TRIM23: variants seen among roughly 807,000 people sequenced by gnomAD.
The protein encoded by TRIM23 is tripartite motif containing 23, also known as E3 ubiquitin-protein ligase TRIM23.
Under a neutral mutation model 71.0 loss-of-function variants are expected in TRIM23, and 27 were observed. That is an observed-to-expected ratio of 0.38 (90% confidence interval 0.28 to 0.52). TRIM23 has a LOEUF of 0.52. Among genes scored for constraint, TRIM23 ranks in the 20% least tolerant of loss-of-function variants. The pLI is 0.84. For synonymous variants in TRIM23, 234 were observed against 238.0 expected (o/e 0.98, Z 0.16); for missense variants, 482 against 692.3 (o/e 0.70, Z 3.41).
At chr5:65,613,724 T>TA in intron 3 of TRIM23, 6 of 1,190,014 alleles carry the variant, frequency 5.0e-6, no homozygotes, top group Non-Finnish European at 6.3e-6. Flanking sequence ...AATGGCCTCT[T>TA]ACATCGAGTT....
intron 1 of TRIM23, among the ~76,000 whole-genome samples, chr5:65,620,335 G>A (rs1214319105): frequency 1.3e-5 from 2 of 152,054 alleles, no homozygotes; most frequent in African/African-American, 4.8e-5. Context: ...TACTAGACAC[G>A]TGTGACAAAA....
chr5:65,610,820 TAAAAA>T, intron 5 of TRIM23, 36 bp downstream of exon 5: 1 of 1,505,474 alleles, frequency 6.6e-7, no homozygotes, highest in Non-Finnish European at 8.9e-7. Flanking sequence ...ATATGAAAAA[TAAAAA>T]AGAATGAGAA....
chr5:65,602,119 T>TC (rs1279285407), intron 7 of TRIM23, among the ~76,000 whole-genome samples: 1 of 152,230 alleles, frequency 6.6e-6, no homozygotes, highest in East Asian at 1.9e-4. Flanking sequence ...GATGGGTTTT[T>TC]CTTCTCCATT....
chr5:65,617,910 T>C (rs984127738), intron 2 of TRIM23, among the ~76,000 whole-genome samples, 183 bp downstream of exon 2: 5 of 152,322 alleles, frequency 3.3e-5, no homozygotes, highest in African/African-American at 1.2e-4. Flanking sequence ...AAAATAAAAT[T>C]AGTAACTAAG....
chr5:65,597,050 C>A lies in TRIM23; in HGVS notation c.1309+1G>T. Reference sequence around the variant, plus strand: ...AGGTAAAAACCAATATTCATACTTACCAATTGTTGGAATGGGCTGCATGAA... The same window carrying A: ...AGGTAAAAACCAATATTCATACTTAACAATTGTTGGAATGGGCTGCATGAA... On this transcript the variant is annotated splice_donor_variant, in intron 8 of 10. Coordinates refer to ENST00000231524, the MANE Select transcript of TRIM23 (RefSeq NM_001656.4). LOFTEE classifies it high-confidence loss of function. The A allele has an allele frequency of 6.2e-7, 1 of 1,613,766 alleles. No individual in the cohort carries two copies. Among genetic ancestry groups the A allele is most frequent in the Non-Finnish European group, 8.5e-7 (1 of 1,179,856 alleles).
chr5:65,602,742 G>T (rs1754394919), intron 7 of TRIM23, among the ~76,000 whole-genome samples: 1 of 152,132 alleles, frequency 6.6e-6, no homozygotes. Context: ...CTTACATGGT[G>T]GTGGCAAGAG....
intron 9 of TRIM23, 42 bp downstream of exon 9, chr5:65,596,379 T>C (rs763572397): frequency 1.5e-6 from 2 of 1,370,362 alleles, no homozygotes; most frequent in South Asian, 2.4e-5. Context: ...AAAACTGTCA[T>C]CCTAAAAATG....
At chr5:65,623,549 T>G (rs887232594) in intron 1 of TRIM23, among the ~76,000 whole-genome samples, 1 of 152,166 alleles carries the variant, frequency 6.6e-6, no homozygotes, top group Non-Finnish European at 1.5e-5. Context: ...ATCTCAAACT[T>G]CAAGCATAAG....
chr5:65,620,734 T>C (rs1754910994), intron 1 of TRIM23, among the ~76,000 whole-genome samples: 2 of 151,948 alleles, frequency 1.3e-5, no homozygotes, highest in African/African-American at 4.8e-5. Flanking sequence ...TATATACACA[T>C]ACTTCAATTT....
At chr5:65,618,024 T>C (rs1754818286) in intron 2 of TRIM23, 69 bp downstream of exon 2, 5 of 1,417,844 alleles carry the variant, frequency 3.5e-6, no homozygotes, top group East Asian at 2.6e-5. Context: ...TGGAAGGACA[T>C]TGTTTCCTAT....
chr5:65,620,962 C>T (rs921935530), intron 1 of TRIM23, among the ~76,000 whole-genome samples: 3 of 151,350 alleles, frequency 2.0e-5, no homozygotes, highest in Non-Finnish European at 4.4e-5. Flanking sequence ...CCCAGGAGGT[C>T]GAGGTTGCTA....
chr5:65,623,844 T>C (rs533866676), intron 1 of TRIM23, among the ~76,000 whole-genome samples: 1 of 152,356 alleles, frequency 6.6e-6, no homozygotes, highest in East Asian at 1.9e-4. Context: ...ACTTAGTACG[T>C]AGTTACGATG....
Position 65,590,348 on chromosome 5 carries a change from G to A in TRIM23, c.*1421C>T. On this transcript the variant is annotated 3_prime_UTR_variant, in exon 11 of 11. Transcript: ENST00000231524. ...TATTACATTTATTTATTTACATATT[G>A]CCCATAATACTGATAGGCTTTTTTT... 1 of 1,459,868 alleles carries A rather than the reference G, an allele frequency of 6.8e-7. No individual in the cohort carries two copies. 90.4% of individuals were successfully genotyped at this position (1,459,868 alleles called of 1,614,324 possible).
At chr5:65,604,812 A>C (rs2150629848) in intron 7 of TRIM23, 99 bp downstream of exon 7, 1 of 1,215,980 alleles carries the variant, frequency 8.2e-7, no homozygotes, top group East Asian at 2.6e-5. Flanking sequence ...CCCCTAATTC[A>C]TGAATTTCAT....
chr5:65,605,165 A>T, intron 6 of TRIM23, 120 bp from the exon 7 acceptor site: 4 of 917,422 alleles, frequency 4.4e-6, no homozygotes, highest in Non-Finnish European at 6.2e-6. Context: ...GTTAAATGTA[A>T]ATTTGACAAA....
chr5:65,612,920 A>G (rs1754689926), intron 3 of TRIM23, among the ~76,000 whole-genome samples: 1 of 152,190 alleles, frequency 6.6e-6, no homozygotes, highest in South Asian at 2.1e-4. Context: ...TGAAATAATT[A>G]CTTTTATTTC....
chr5:65,617,527 G>A (rs928580499), intron 2 of TRIM23, among the ~76,000 whole-genome samples: 2 of 151,888 alleles, frequency 1.3e-5, no homozygotes, highest in African/African-American at 4.8e-5. Flanking sequence ...TTCCAAATCT[G>A]GTATCTGAAA....
At chr5:65,593,138 C>A (rs1442839374) in intron 10 of TRIM23, among the ~76,000 whole-genome samples, 1 of 152,052 alleles carries the variant, frequency 6.6e-6, no homozygotes, top group Non-Finnish European at 1.5e-5. Context: ...AGTTTAATAA[C>A]CCACGAACAG....
Position 65,618,212 on chromosome 5 carries a change from C to T in TRIM23, c.125G>A (p.Gly42Glu). The T allele has an allele frequency of 6.2e-7, 1 of 1,614,040 alleles. No homozygotes were observed. The highest frequency in any genetic ancestry group is 8.5e-7 in the Non-Finnish European group (1 of 1,179,986). The change falls in exon 2 of 11, where the codon GGA (glycine) becomes GAA (glutamate). Residue 42 changes from glycine to glutamate, a missense_variant. Physicochemically the swap from Gly to Glu is moderately conservative, Grantham distance 98. This residue lies in a region of TRIM23 where 175 missense variants were observed against 196.5 expected (regional missense o/e 0.89). Transcript: ENST00000231524. ...AAGCAAAAGACGGGGAACTTTGTCTCCTTGCAAAGAAAAGACATCTTCACA... is the reference window on the plus strand; with the variant it reads ...AAGCAAAAGACGGGGAACTTTGTCTTCTTGCAAAGAAAAGACATCTTCACA... The part of the protein sequence containing the change: ...GVCEDVFSLQ[G>E]DKVPRLLLCG...
Sources: allele counts gnomAD v4.1 joint callset (sites outside exome capture counted in the v4.1 genomes callset), GRCh38; gene constraint gnomAD v4.1.1; regional missense constraint gnomAD v4.1.1; transcripts MANE v1.5; gene names NCBI Gene and HGNC (gene_info 2026-07-23, HGNC 2026-07-21).